CNTNAP2: variants seen among roughly 807,000 people sequenced by gnomAD.
The protein encoded by CNTNAP2 is contactin-associated protein-like 2.
A neutral mutation model predicts 155.2 loss-of-function variants in CNTNAP2; 98 were observed. The ratio of observed to expected loss-of-function variants is 0.63; its 90% CI spans 0.54 to 0.75. CNTNAP2 has a LOEUF of 0.75. Among genes scored for constraint, CNTNAP2 ranks in the 30% least tolerant of loss-of-function variants. The probability of loss-of-function intolerance (pLI) is 0.00; values close to 1 mark genes in which losing one functional copy is unlikely to be tolerated. For missense variants in CNTNAP2, 1,727 were observed against 1,688.1 expected (o/e 1.02, Z -0.40); for synonymous variants, 651 against 631.2 (o/e 1.03, Z -0.47).
chr7:147,661,234 CT>C (rs1795603691), intron 13 of CNTNAP2, among the ~76,000 whole-genome samples: 1 of 151,876 alleles, frequency 6.6e-6, no homozygotes. Flanking sequence ...ATTTGGTGTA[CT>C]TTTTAGAGAA....
At chr7:146,780,457 G>C (rs910621253) in intron 2 of CNTNAP2, among the ~76,000 whole-genome samples, 1 of 152,014 alleles carries the variant, frequency 6.6e-6, no homozygotes, top group Admixed American at 6.6e-5. Context: ...CCAAAGTCCT[G>C]GGATTACAGG....
chr7:147,139,615 T>C (rs560021820), intron 8 of CNTNAP2, among the ~76,000 whole-genome samples: 1 of 152,154 alleles, frequency 6.6e-6, no homozygotes, highest in Non-Finnish European at 1.5e-5. Context: ...CCCTCACCTT[T>C]TAATTTTTAA....
intron 3 of CNTNAP2, among the ~76,000 whole-genome samples, chr7:146,936,365 C>T (rs984047395): frequency 1.3e-5 from 2 of 152,166 alleles, no homozygotes; most frequent in African/African-American, 2.4e-5. Flanking sequence ...GCAAACAGGA[C>T]GTTTCTGTAT....
At chr7:146,283,810 T>C (rs1800287216) in intron 1 of CNTNAP2, among the ~76,000 whole-genome samples, 1 of 152,156 alleles carries the variant, frequency 6.6e-6, no homozygotes, top group African/African-American at 2.4e-5. Context: ...TGCCAAGGTT[T>C]CCCAGGGAGA....
chr7:146,416,796 C>A (rs1795944045), intron 1 of CNTNAP2, among the ~76,000 whole-genome samples: 1 of 152,112 alleles, frequency 6.6e-6, no homozygotes, highest in Non-Finnish European at 1.5e-5. Context: ...GTTCTGATCA[C>A]ATTTCATTTA....
intron 12 of CNTNAP2, among the ~76,000 whole-genome samples, chr7:147,590,344 C>A (rs1026771937): frequency 2.6e-5 from 4 of 152,098 alleles, no homozygotes; most frequent in African/African-American, 7.2e-5. Context: ...AGGGCGGAAG[C>A]AGGTGGAGAT....
chr7:147,161,813 A>T (rs563491317), intron 8 of CNTNAP2: 12 of 152,242 alleles, frequency 7.9e-5, no homozygotes, highest in Non-Finnish European at 1.5e-4. Context: ...GGAGAACCTT[A>T]CAAGTTTATG....
intron 15 of CNTNAP2, among the ~76,000 whole-genome samples, chr7:148,039,400 C>T (rs142033134): frequency 5.3e-4 from 80 of 152,288 alleles, no homozygotes; most frequent in Middle Eastern, 6.8e-3. Context: ...CTTCCTCACT[C>T]AGTCCACCAA....
intron 1 of CNTNAP2, among the ~76,000 whole-genome samples, chr7:146,161,929 T>C (rs1200147255): frequency 3.9e-5 from 6 of 152,200 alleles, no homozygotes; most frequent in Admixed American, 3.9e-4. Flanking sequence ...CCCTATTTAA[T>C]AAATGGTGCT....
At chr7:146,559,716 A>G (rs1256824033) in intron 1 of CNTNAP2, among the ~76,000 whole-genome samples, 2 of 152,186 alleles carry the variant, frequency 1.3e-5, no homozygotes, top group East Asian at 3.9e-4. Context: ...ATTTATTTCA[A>G]TCATATTTTG....
chr7:148,243,961 G>T (rs771441622), intron 20 of CNTNAP2, among the ~76,000 whole-genome samples: 8 of 152,170 alleles, frequency 5.3e-5, no homozygotes, highest in Non-Finnish European at 1.2e-4. Flanking sequence ...ATATATAGGT[G>T]CTAGGGGTTT....
At position 146,396,444 on chromosome 7, in the gene CNTNAP2, A is replaced by G. The variant is rs191657004; in HGVS notation, c.97+279471A>G. On this transcript the variant is annotated intron_variant, in intron 1 of 23. Coordinates refer to ENST00000361727, the MANE Select transcript of CNTNAP2 (RefSeq NM_014141.6). ...TTATTATTTCAATTACTGTTACTAAATTATTAATTCTAGGTTAGAATTATA... is the reference window on the plus strand; with the variant it reads ...TTATTATTTCAATTACTGTTACTAAGTTATTAATTCTAGGTTAGAATTATA... 2.0e-3 allele frequency among the ~76,000 whole-genome samples: 304 copies of G among 152,154 alleles called. 1 individual carries two copies. The highest frequency in any genetic ancestry group is 7.0e-3 in the African/African-American group (293 of 41,568).
At chr7:146,790,180 A>C (rs1313498501) in intron 2 of CNTNAP2, among the ~76,000 whole-genome samples, 3 of 152,174 alleles carry the variant, frequency 2.0e-5, no homozygotes, top group Non-Finnish European at 4.4e-5. Flanking sequence ...CATTTGACCA[A>C]ATCTTTCAAA....
In CNTNAP2 at chr7:147,905,169, A is replaced by G. The variant is rs74722785; in HGVS notation, c.2255+1448A>G. ...ATTCTTGTTCTTGATGCCTTTTATT[A>G]CTAGTTGTGTGTTCTTAAGCCAGGC... On this transcript the variant is annotated intron_variant, in intron 14 of 23. Transcript: ENST00000361727. Among the ~76,000 whole-genome samples the G allele has an allele frequency of 2.2e-3, 328 of 152,312 alleles. 1 individual carries two copies. Among genetic ancestry groups the G allele is most frequent in the African/African-American group, 7.6e-3 (316 of 41,558 alleles).
intron 13 of CNTNAP2, among the ~76,000 whole-genome samples, chr7:147,723,284 G>T (rs73741886): frequency 0.015 from 2,349 of 152,130 alleles, 66 homozygotes; most frequent in African/African-American, 0.053. Context: ...AAACAGGAAA[G>T]GGGGATGAAA....
At chr7:146,519,887 A>G (rs1563117213) in intron 1 of CNTNAP2, among the ~76,000 whole-genome samples, 1 of 151,888 alleles carries the variant, frequency 6.6e-6, no homozygotes, top group African/African-American at 2.4e-5. Context: ...AATATTTTGT[A>G]TCATTACCTC....
At chr7:147,553,886 C>T (rs370233813) in intron 11 of CNTNAP2, among the ~76,000 whole-genome samples, 104 of 152,154 alleles carry the variant, frequency 6.8e-4, no homozygotes, top group African/African-American at 2.3e-3. Context: ...CGCTTGAACC[C>T]GGGAGGTGGA....
intron 15 of CNTNAP2, among the ~76,000 whole-genome samples, chr7:148,010,821 C>A (rs145455660): frequency 6.6e-6 from 1 of 152,054 alleles, no homozygotes; most frequent in African/African-American, 2.4e-5. Flanking sequence ...GCAAGGGTCT[C>A]TTTTGGGCTC....
intron 10 of CNTNAP2, among the ~76,000 whole-genome samples, chr7:147,401,004 G>T (rs1457413985): frequency 6.6e-6 from 1 of 152,108 alleles, no homozygotes; most frequent in Non-Finnish European, 1.5e-5. Context: ...AAATGACTTT[G>T]AAAGAAAAGA....
Sources: allele counts gnomAD v4.1 joint callset (sites outside exome capture counted in the v4.1 genomes callset), GRCh38; gene constraint gnomAD v4.1.1; transcripts MANE v1.5; gene names NCBI Gene and HGNC (gene_info 2026-07-23, HGNC 2026-07-21).